CLASP1: variants seen among roughly 807,000 people sequenced by gnomAD.
CLASP1 encodes cytoplasmic linker associated protein 1.
Under a neutral mutation model 192.3 loss-of-function variants are expected in CLASP1, and 38 were observed. That is an observed-to-expected ratio of 0.20 (90% CI 0.15 to 0.26). CLASP1 has a LOEUF of 0.26. CLASP1 is among the 10% of genes least tolerant of loss of function. The pLI, the probability that CLASP1 is intolerant of heterozygous loss-of-function variation, is 1.00. For missense variants in CLASP1, 1,433 were observed against 1,932.5 expected (o/e 0.74, Z 4.85); for synonymous variants, 691 against 712.8 (o/e 0.97, Z 0.49).
intron 25 of CLASP1, among the ~76,000 whole-genome samples, chr2:121,405,319 T>A (rs1387465770): frequency 6.6e-6 from 1 of 152,068 alleles, no homozygotes; most frequent in Non-Finnish European, 1.5e-5. Flanking sequence ...CAAAAATAAA[T>A]AAATAAAATA....
chr2:121,608,209 G>A (rs532742563), intron 1 of CLASP1, among the ~76,000 whole-genome samples: 32 of 152,236 alleles, frequency 2.1e-4, no homozygotes, highest in African/African-American at 7.0e-4. Context: ...AGGTATCAAC[G>A]ATACGGGAAA....
chr2:121,647,204 C>T (rs1192202152), intron 1 of CLASP1, among the ~76,000 whole-genome samples: 1 of 151,926 alleles, frequency 6.6e-6, no homozygotes, highest in African/African-American at 2.4e-5. Context: ...CCTGTCTCTA[C>T]TAAAAATACA....
Position 121,527,909 on chromosome 2 carries a change from A to C in CLASP1, c.379-19T>G, listed in dbSNP as rs767631334. On this transcript the variant is annotated intron_variant, in intron 4 of 39. Transcript: ENST00000263710. The stretch of plus-strand genomic sequence containing the variant: ...ATACGTACTGCAGATGACAAAGAAC[A>C]GGTGAGGAAAGGAGAAGACTGCTGC... 1 of 1,593,580 alleles carries C rather than the reference A, an allele frequency of 6.3e-7. No homozygotes were observed. The highest frequency in any genetic ancestry group is 1.7e-5 in the Admixed American group (1 of 59,898).
At chr2:121,497,089 A>G (rs2093565425) in intron 8 of CLASP1, among the ~76,000 whole-genome samples, 1 of 152,232 alleles carries the variant, frequency 6.6e-6, no homozygotes, top group Admixed American at 6.5e-5. Context: ...GGGGAAGAGT[A>G]AAGTGAAAAA....
chr2:121,365,049 C>T (rs1476790811), intron 36 of CLASP1, 45 bp downstream of exon 37: 1 of 1,574,858 alleles, frequency 6.3e-7, no homozygotes, highest in African/African-American at 1.3e-5. Flanking sequence ...CATCGTGACC[C>T]CATTACATGG....
Position 121,411,257 on chromosome 2 carries a change from C to T in CLASP1, c.2321-288G>A, listed in dbSNP as rs144458747. Among the ~76,000 whole-genome samples, 317 of 152,324 alleles carry T rather than the reference C, an allele frequency of 2.1e-3. 1 individual carries two copies. The highest frequency in any genetic ancestry group is 7.3e-3 in the African/African-American group (304 of 41,572). On this transcript the variant is annotated intron_variant, in intron 23 of 39. Transcript: ENST00000263710. ...GAACTTATTATAAAAGGTAGCTAGGCTATGAGTTGAGTCTTTTAATCTATT... is the reference window on the plus strand; with the variant it reads ...GAACTTATTATAAAAGGTAGCTAGGTTATGAGTTGAGTCTTTTAATCTATT...
intron 32 of CLASP1, among the ~76,000 whole-genome samples, chr2:121,383,164 G>T (rs1180391231): frequency 6.6e-6 from 1 of 152,194 alleles, no homozygotes; most frequent in Non-Finnish European, 1.5e-5. Context: ...TGGCTGGCTG[G>T]TGATGTGGGG....
At chr2:121,389,727 TAC>T (rs2074011540) in intron 30 of CLASP1, among the ~76,000 whole-genome samples, 1 of 152,228 alleles carries the variant, frequency 6.6e-6, no homozygotes, top group Non-Finnish European at 1.5e-5. Flanking sequence ...CCCAGAATGT[TAC>T]CTAATGTCCA....
intron 1 of CLASP1, among the ~76,000 whole-genome samples, chr2:121,611,612 T>C (rs2065520387): frequency 9.4e-6 from 1 of 106,248 alleles, no homozygotes. Flanking sequence ...TTGGAGGAGT[T>C]ACAGGAGGAA....
chr2:121,606,316 C>T (rs928478662), intron 1 of CLASP1, 136 bp from the exon 2 acceptor site: 6 of 277,386 alleles, frequency 2.2e-5, no homozygotes, highest in Admixed American at 5.3e-5. Flanking sequence ...GAAGCATGAA[C>T]GGCTTGGCAA....
chr2:121,392,925 C>T (rs763211466), intron 30 of CLASP1, among the ~76,000 whole-genome samples: 5 of 152,178 alleles, frequency 3.3e-5, no homozygotes, highest in African/African-American at 4.8e-5. Context: ...ACACCTCACT[C>T]ACTGGTGATT....
intron 2 of CLASP1, among the ~76,000 whole-genome samples, chr2:121,585,949 G>A (rs868166838): frequency 6.7e-6 from 1 of 150,044 alleles, no homozygotes; most frequent in African/African-American, 2.5e-5. Context: ...GGTTTCTCAA[G>A]AGCACAGCTA....
At chr2:121,502,720 T>C (rs556991653) in intron 8 of CLASP1, among the ~76,000 whole-genome samples, 3 of 152,178 alleles carry the variant, frequency 2.0e-5, no homozygotes, top group African/African-American at 4.8e-5. Context: ...TGGGAAGTCT[T>C]TGGAGGATTA....
intron 2 of CLASP1, among the ~76,000 whole-genome samples, chr2:121,581,124 C>T (rs2105563509): frequency 6.6e-6 from 1 of 152,114 alleles, no homozygotes; most frequent in East Asian, 1.9e-4. Context: ...ATATAGCTGA[C>T]CTTGAATTTC....
In CLASP1 at chr2:121,547,060, C is replaced by T. The variant is rs180853310; in HGVS notation, c.196-16735G>A. On this transcript the variant is annotated intron_variant, in intron 2 of 39. Coordinates refer to ENST00000263710, the Ensembl canonical transcript of CLASP1. The stretch of plus-strand genomic sequence containing the variant: ...CCTCCAGGTACTGGAAAATCCAAGG[C>T]AACTGGGACTGGAGTGGACCCCCAA... Among the ~76,000 whole-genome samples the T allele has an allele frequency of 2.0e-3, 311 of 152,270 alleles. 1 individual carries two copies. Among genetic ancestry groups the T allele is most frequent in the African/African-American group, 7.2e-3 (298 of 41,560 alleles).
intron 2 of CLASP1, among the ~76,000 whole-genome samples, chr2:121,550,730 A>C (rs1264617830): frequency 6.6e-6 from 1 of 152,132 alleles, no homozygotes; most frequent in Non-Finnish European, 1.5e-5. Context: ...AATGAGCTCC[A>C]AAACTGAATT....
intron 1 of CLASP1, among the ~76,000 whole-genome samples, chr2:121,627,236 C>T (rs1190344239): frequency 6.6e-6 from 1 of 152,144 alleles, no homozygotes; most frequent in Non-Finnish European, 1.5e-5. Flanking sequence ...ACAAGAACTC[C>T]CTGTACATTT....
exon 23 of CLASP1, chr2:121,418,725 C>T: frequency 6.2e-7 from 1 of 1,611,190 alleles, no homozygotes; most frequent in Non-Finnish European, 8.5e-7. Context: ...TACGGCTGCT[C>T]CGTGCTAGCG....
intron 8 of CLASP1, among the ~76,000 whole-genome samples, chr2:121,478,856 C>A (rs1481667006): frequency 2.2e-5 from 1 of 44,732 alleles, no homozygotes; most frequent in African/African-American, 1.6e-4. Context: ...CACCACACAC[C>A]ACACCACACA....
Sources: allele counts gnomAD v4.1 joint callset (sites outside exome capture counted in the v4.1 genomes callset), GRCh38; gene constraint gnomAD v4.1.1; transcripts MANE v1.5; gene names NCBI Gene and HGNC (gene_info 2026-07-23, HGNC 2026-07-21).